The following KLHL2 variants were observed in gnomAD, a reference collection of about 807,000 sequenced individuals.
KLHL2 encodes kelch like family member 2, also known as kelch-like protein 2.
KLHL2 carries 15 observed loss-of-function variants against 75.8 expected under a neutral mutation model. The ratio of observed to expected loss-of-function variants is 0.20; its 90% CI spans 0.13 to 0.30. The LOEUF (loss-of-function observed/expected upper bound fraction) is 0.30. KLHL2 is among the 10% of genes least tolerant of loss of function. The pLI is 1.00. For missense variants in KLHL2, 381 were observed against 741.0 expected, an observed-to-expected ratio of 0.51 and a Z score of 5.64; for synonymous variants, 214 against 251.9, an observed-to-expected ratio of 0.85 and a Z score of 1.42.
chr4:165,239,092 A>T lies in KLHL2; in HGVS notation c.381+193A>T, dbSNP rs57013551. 9.9e-5 allele frequency among the ~76,000 whole-genome samples: 15 copies of T among 152,240 alleles called. No individual in the cohort carries two copies. In the East Asian group the frequency reaches 2.7e-3, roughly 27 times the overall value. ...GAGTTCAGTATCTTTTATATTCCTT[A>T]AGATCTGAGATACAAATCCTTTAGT... On this transcript the variant is annotated intron_variant, in intron 4 of 14. Transcript: ENST00000226725.
chr4:165,307,856 G>T (rs1745851940), intron 9 of KLHL2, among the ~76,000 whole-genome samples: 1 of 152,072 alleles, frequency 6.6e-6, no homozygotes, highest in East Asian at 1.9e-4. Context: ...AAGATATCTG[G>T]GCTGTATTTT....
chr4:165,294,524 A>G, intron 6 of KLHL2, 56 bp downstream of exon 6: 1 of 838,622 alleles, frequency 1.2e-6, no homozygotes, highest in South Asian at 1.7e-5. Flanking sequence ...TTTTTTTTTT[A>G]ATTTCACTTT....
At chr4:165,293,671 T>G in intron 5 of KLHL2, among the ~76,000 whole-genome samples, 1 of 51,616 alleles carries the variant, frequency 1.9e-5, no homozygotes, top group African/African-American at 5.7e-5. Context: ...GCCTGGCTAA[T>G]TTTTTTTTTT....
chr4:165,270,103 G>T (rs768458108), intron 5 of KLHL2, among the ~76,000 whole-genome samples: 16 of 151,976 alleles, frequency 1.1e-4, no homozygotes, highest in Non-Finnish European at 2.2e-4. Context: ...TCTTCCACTT[G>T]GTCGAATCGG....
intron 2 of KLHL2, among the ~76,000 whole-genome samples, chr4:165,224,626 G>A (rs1001365863): frequency 2.0e-5 from 3 of 152,176 alleles, no homozygotes; most frequent in Non-Finnish European, 1.5e-5. Context: ...AAAAACATTT[G>A]ATTTGTGGCT....
chr4:165,235,254 G>A lies in KLHL2; in HGVS notation c.260-3524G>A, dbSNP rs573837129. ...CTTTCTCTGTCACCCAGGCTAGAGT[G>A]CAGTGGTGCGGTCTTAGCTCACTGT... On this transcript the variant is annotated intron_variant, in intron 3 of 14. Transcript: ENST00000226725. 2.5e-3 allele frequency among the ~76,000 whole-genome samples: 361 copies of A among 145,736 alleles called. 3 individuals are homozygous for A. The highest frequency in any genetic ancestry group is 8.3e-3 in the African/African-American group (325 of 39,306).
intron 1 of KLHL2, among the ~76,000 whole-genome samples, chr4:165,212,465 G>T (rs962893007): frequency 2.6e-5 from 4 of 152,088 alleles, no homozygotes; most frequent in Admixed American, 6.5e-5. Flanking sequence ...TGTGTGTTAC[G>T]CACTGTACTT....
At chr4:165,209,093 A>G (rs1054763900) in intron 1 of KLHL2, among the ~76,000 whole-genome samples, 48 of 152,176 alleles carry the variant, frequency 3.2e-4, no homozygotes, top group African/African-American at 1.0e-3. Flanking sequence ...GGGGGTAGAT[A>G]AGACTCTTGA....
chr4:165,249,446 G>A (rs1026780756), intron 4 of KLHL2, among the ~76,000 whole-genome samples: 1 of 152,180 alleles, frequency 6.6e-6, no homozygotes, highest in African/African-American at 2.4e-5. Flanking sequence ...TTGGTGAGCA[G>A]GGAATCACAA....
At chr4:165,220,277 A>G (rs1482903107) in intron 2 of KLHL2, among the ~76,000 whole-genome samples, 1 of 152,178 alleles carries the variant, frequency 6.6e-6, no homozygotes, top group Admixed American at 6.5e-5. Flanking sequence ...GCTTAGCCAC[A>G]TACAGCTAGT....
chr4:165,264,345 G>T (rs532225514), intron 5 of KLHL2, among the ~76,000 whole-genome samples: 1 of 151,116 alleles, frequency 6.6e-6, no homozygotes, highest in African/African-American at 2.4e-5. Context: ...TACTCTAATC[G>T]GTAGTTTTTC....
intron 5 of KLHL2, among the ~76,000 whole-genome samples, chr4:165,280,453 T>C (rs1322477992): frequency 2.0e-5 from 3 of 152,228 alleles, no homozygotes; most frequent in Non-Finnish European, 4.4e-5. Flanking sequence ...AATAAGCTCA[T>C]GATTTGAATG....
At chr4:165,226,498 C>T (rs1271053423) in intron 2 of KLHL2, among the ~76,000 whole-genome samples, 1 of 152,152 alleles carries the variant, frequency 6.6e-6, no homozygotes, top group East Asian at 1.9e-4. Context: ...CTTTCCATAA[C>T]ATCTTTATTA....
intron 3 of KLHL2, among the ~76,000 whole-genome samples, chr4:165,235,928 G>C (rs1266053501): frequency 6.6e-6 from 1 of 152,088 alleles, no homozygotes; most frequent in Non-Finnish European, 1.5e-5. Context: ...AGGAGAGAGA[G>C]AAGGCTAGGT....
At chr4:165,242,589 C>T (rs1739898666) in intron 4 of KLHL2, among the ~76,000 whole-genome samples, 1 of 152,092 alleles carries the variant, frequency 6.6e-6, no homozygotes, top group Non-Finnish European at 1.5e-5. Context: ...CTTCTCTTCC[C>T]AGGTTCAAGC....
chr4:165,279,252 C>T, intron 5 of KLHL2: 4 of 1,536,540 alleles, frequency 2.6e-6, no homozygotes, highest in Non-Finnish European at 3.6e-6. Context: ...TTATTATTTC[C>T]TGGAATTCTT....
chr4:165,267,113 T>C (rs1742302243), intron 5 of KLHL2, among the ~76,000 whole-genome samples: 1 of 152,220 alleles, frequency 6.6e-6, no homozygotes, highest in Admixed American at 6.5e-5. Context: ...ATGATTTGGC[T>C]CTCTATTATT....
chr4:165,228,759 A>G, intron 2 of KLHL2, 48 bp from the exon 3 acceptor site: 1 of 1,183,652 alleles, frequency 8.4e-7, no homozygotes, highest in Non-Finnish European at 1.3e-6. Flanking sequence ...TGTTCAATAC[A>G]TTCGTTGTTG....
At chr4:165,213,040 A>G (rs1258158579) in intron 1 of KLHL2, among the ~76,000 whole-genome samples, 1 of 152,168 alleles carries the variant, frequency 6.6e-6, no homozygotes, top group African/African-American at 2.4e-5. Context: ...TAACATTTCC[A>G]CTTATTCAAT....
Sources: allele counts gnomAD v4.1 joint callset (sites outside exome capture counted in the v4.1 genomes callset), GRCh38; gene constraint gnomAD v4.1.1; transcripts MANE v1.5; gene names NCBI Gene and HGNC (gene_info 2026-07-23, HGNC 2026-07-21).